Variants in NDUFC1 observed in about 807,000 individuals in gnomAD.
NDUFC1 encodes the protein NADH:ubiquinone oxidoreductase subunit C1.
In NDUFC1, 11 loss-of-function variants were observed where a neutral mutation model predicts 11.6. The ratio of observed to expected loss-of-function variants is 0.95; its 90% CI spans 0.60 to 1.58. The LOEUF (loss-of-function observed/expected upper bound fraction) is 1.58, where lower values mean the gene tolerates loss of function less well. Ranked by LOEUF, NDUFC1 falls within the 40% of genes most tolerant of loss-of-function variation. The probability of loss-of-function intolerance (pLI) is 0.00; values close to 1 mark genes in which losing one functional copy is unlikely to be tolerated. For missense variants in NDUFC1, 112 were observed against 93.0 expected, an observed-to-expected ratio of 1.20 and a Z score of -0.84; for synonymous variants, 52 against 42.2, an observed-to-expected ratio of 1.23 and a Z score of -0.90.
chr4:139,296,694 A>G (rs1434984554), intron 2 of NDUFC1, among the ~76,000 whole-genome samples: 1 of 152,234 alleles, frequency 6.6e-6, no homozygotes, highest in Non-Finnish European at 1.5e-5. Flanking sequence ...TATTAAAGAC[A>G]TCGTTCTGAG....
chr4:139,302,197 C>T (rs1745805326), intron 1 of NDUFC1: 1 of 239,992 alleles, frequency 4.2e-6, no homozygotes. Flanking sequence ...TGTGGGAACC[C>T]TGCTGGCAGG....
At chr4:139,298,210 C>A (rs930776218) in intron 1 of NDUFC1, among the ~76,000 whole-genome samples, 1 of 149,404 alleles carries the variant, frequency 6.7e-6, no homozygotes, top group Non-Finnish European at 1.5e-5. Context: ...GAGGCCGAGG[C>A]GGGCGGATCA....
At chr4:139,300,632 G>C (rs1005562195) in intron 1 of NDUFC1, 1 of 152,170 alleles carries the variant, frequency 6.6e-6, no homozygotes, top group African/African-American at 2.4e-5. Flanking sequence ...TCGGTATGTA[G>C]TCTGACCTCG....
chr4:139,291,530 G>T (rs916754372), intron 5 of NDUFC1, among the ~76,000 whole-genome samples: 1 of 151,938 alleles, frequency 6.6e-6, no homozygotes, highest in African/African-American at 2.4e-5. Flanking sequence ...AGCCAAGATT[G>T]TGCCACTGCA....
intron 1 of NDUFC1, among the ~76,000 whole-genome samples, chr4:139,298,497 T>G (rs1285417774): frequency 6.7e-6 from 1 of 148,430 alleles, no homozygotes. Flanking sequence ...CTCACATCTA[T>G]AATCCCAGCA....
rs900466081 is a variant in NDUFC1, at chr4:139,291,841, C to CT, written c.*20+688dup. 1.1e-3 allele frequency among the ~76,000 whole-genome samples: 161 copies of CT among 144,194 alleles called. No individual in the cohort carries two copies. In the East Asian group the frequency reaches 0.012, roughly 11 times the overall value. The allele number at this position is 144,194 out of a possible 152,430, so 94.6% of individuals were successfully genotyped here. On this transcript the variant is annotated intron_variant, in intron 5 of 5. Transcript: ENST00000394223. Reference sequence around the variant, plus strand: ...AAAATAATATGATTTTGGGTTCATTCTTTTTTTTTTTTTGAGAAGGAGTCT... The same window carrying CT: ...AAAATAATATGATTTTGGGTTCATTCTTTTTTTTTTTTTTGAGAAGGAGTCT...
intron 4 of NDUFC1, among the ~76,000 whole-genome samples, chr4:139,293,073 G>T (rs944142119): frequency 1.3e-5 from 2 of 152,044 alleles, no homozygotes; most frequent in African/African-American, 4.8e-5. Context: ...ACCCGCCTCG[G>T]CCTCCCAAAG....
At chr4:139,298,677 CTTT>C (rs35024958) in intron 1 of NDUFC1, among the ~76,000 whole-genome samples, 1 of 144,328 alleles carries the variant, frequency 6.9e-6, no homozygotes, top group Admixed American at 7.0e-5. Flanking sequence ...CTTTTATATT[CTTT>C]TTTTTTTTTT....
intron 1 of NDUFC1, among the ~76,000 whole-genome samples, chr4:139,300,412 A>C (rs912609523): frequency 2.0e-5 from 3 of 152,240 alleles, no homozygotes; most frequent in African/African-American, 7.2e-5. Context: ...TAAATTTAAA[A>C]CAGTAAAAAA....
At position 139,295,765 on chromosome 4, in the gene NDUFC1, G is replaced by A. The variant is rs751646656; in HGVS notation, c.34C>T (p.Arg12Trp). ...APSALLRPLS[R>W]LLAPARLPSG... ...GGGAGCCTGGCGGGGGCCAGCAGCC[G>A]GGAAAGGGGACGCAGCAAGGCGGAC... The change falls in exon 3 of 6, where the codon CGG becomes TGG. Residue 12 changes from arginine to tryptophan, a missense_variant. Arg to Trp is a moderately radical substitution (Grantham distance 101). Coordinates refer to ENST00000394223, the MANE Select transcript of NDUFC1 (RefSeq NM_001184989.2). 1 of 1,552,164 alleles carries A rather than the reference G, an allele frequency of 6.4e-7. No homozygotes were observed. The highest frequency in any genetic ancestry group is 8.7e-7 in the Non-Finnish European group (1 of 1,149,990).
At chr4:139,295,210 T>A in intron 3 of NDUFC1, 64 bp from the exon 4 acceptor site, 2 of 1,233,042 alleles carry the variant, frequency 1.6e-6, no homozygotes, top group Non-Finnish European at 2.4e-6. Flanking sequence ...AACCCTAACA[T>A]TTACGTGCGT....
chr4:139,301,119 G>C (rs538432498), intron 1 of NDUFC1: 1 of 158,972 alleles, frequency 6.3e-6, no homozygotes, highest in East Asian at 1.8e-4. Context: ...TAGGCATTTC[G>C]TCCATAATCA....
At chr4:139,294,818 T>G (rs1479036071) in intron 4 of NDUFC1, among the ~76,000 whole-genome samples, 1 of 152,140 alleles carries the variant, frequency 6.6e-6, no homozygotes, top group African/African-American at 2.4e-5. Flanking sequence ...TAACAGAAAT[T>G]TTAGTCCCAT....
chr4:139,298,316 G>A (rs1173479658), intron 1 of NDUFC1, among the ~76,000 whole-genome samples: 1 of 151,612 alleles, frequency 6.6e-6, no homozygotes, highest in Non-Finnish European at 1.5e-5. Flanking sequence ...GTGCATGCCT[G>A]TAATTCCAGC....
chr4:139,291,347 C>T (rs1328311397), intron 5 of NDUFC1, among the ~76,000 whole-genome samples: 5 of 151,738 alleles, frequency 3.3e-5, no homozygotes, highest in African/African-American at 7.3e-5. Flanking sequence ...GAGGCCGAGG[C>T]GGGCAGATCA....
chr4:139,291,638 T>G (rs1225875627), intron 5 of NDUFC1, among the ~76,000 whole-genome samples: 1 of 152,090 alleles, frequency 6.6e-6, no homozygotes, highest in African/African-American at 2.4e-5. Context: ...AACTCCTAAA[T>G]GGACCAGATG....
intron 1 of NDUFC1, chr4:139,301,738 G>T (rs1043324484): frequency 1.3e-6 from 2 of 1,543,856 alleles, no homozygotes; most frequent in Non-Finnish European, 1.8e-6. Flanking sequence ...CTGACTGACC[G>T]AGCCGGGTGG....
chr4:139,301,496 C>T (rs1745732414), intron 1 of NDUFC1: 5 of 450,558 alleles, frequency 1.1e-5, no homozygotes, highest in Admixed American at 4.2e-5. Flanking sequence ...CCTCCGCGTC[C>T]GCCATTTTGG....
intron 3 of NDUFC1, 64 bp downstream of exon 3, chr4:139,295,668 G>A: frequency 6.7e-7 from 1 of 1,493,836 alleles, no homozygotes; most frequent in Admixed American, 2.5e-5. Flanking sequence ...GCACCCGTGG[G>A]CTGGGTCCGC....
Sources: allele counts gnomAD v4.1 joint callset (sites outside exome capture counted in the v4.1 genomes callset), GRCh38; gene constraint gnomAD v4.1.1; transcripts MANE v1.5; gene names NCBI Gene and HGNC (gene_info 2026-07-23, HGNC 2026-07-21).